The following EPSTI1 variants were observed in gnomAD, a reference collection of about 807,000 sequenced individuals.
EPSTI1 encodes the protein epithelial stromal interaction 1.
Under a neutral mutation model 49.9 loss-of-function variants are expected in EPSTI1, and 66 were observed. That is an observed-to-expected ratio of 1.32 (90% CI 1.08 to 1.62). The LOEUF is 1.62. EPSTI1 is among the 40% of genes most tolerant of loss of function. EPSTI1 has a pLI of 0.00. For missense variants in EPSTI1, 394 were observed against 365.5 expected (o/e 1.08, Z -0.64); for synonymous variants, 137 against 130.7 (o/e 1.05, Z -0.33).
chr13:42,955,293 T>C (rs1334084789), intron 5 of EPSTI1, among the ~76,000 whole-genome samples: 1 of 152,012 alleles, frequency 6.6e-6, no homozygotes, highest in Non-Finnish European at 1.5e-5. Flanking sequence ...TCGTGGTGGA[T>C]CTAAAAGGGT....
At chr13:42,925,231 C>T (rs1174204216) in intron 7 of EPSTI1, among the ~76,000 whole-genome samples, 1 of 152,148 alleles carries the variant, frequency 6.6e-6, no homozygotes, top group Non-Finnish European at 1.5e-5. Flanking sequence ...CTTTAGAGCC[C>T]TCCTTCACAA....
chr13:42,933,599 C>A (rs1029468358), intron 6 of EPSTI1, among the ~76,000 whole-genome samples: 1 of 152,184 alleles, frequency 6.6e-6, no homozygotes. Context: ...TCTGGTCAAC[C>A]ATCTCTCATT....
rs1408386655 is a variant in EPSTI1, at chr13:42,888,413, A to T, written c.*81T>A. ...AATTAAGGTAAAAACAGTGAGGCTG[A>T]ACAAAATCACATTAAGAAAAAGCAT... On this transcript the variant is annotated 3_prime_UTR_variant, in exon 11 of 11. Coordinates refer to ENST00000313624, the MANE Select transcript of EPSTI1 (RefSeq NM_033255.5). 1 of 1,614,174 alleles carries T rather than the reference A, an allele frequency of 6.2e-7. No individual in the cohort carries two copies. The highest frequency in any genetic ancestry group is 1.7e-5 in the Admixed American group (1 of 60,026).
chr13:42,986,260 C>T (rs572160053), intron 1 of EPSTI1, among the ~76,000 whole-genome samples: 1 of 152,336 alleles, frequency 6.6e-6, no homozygotes, highest in South Asian at 2.1e-4. Context: ...GCCATTTAAA[C>T]TCCTGTGACA....
At chr13:42,970,496 C>G in intron 2 of EPSTI1, 116 bp downstream of exon 2, 1 of 839,448 alleles carries the variant, frequency 1.2e-6, no homozygotes, top group Non-Finnish European at 1.8e-6. Context: ...AACAAAAAAC[C>G]TTGATGAGAT....
At chr13:42,924,484 G>A (rs544301720) in intron 7 of EPSTI1, among the ~76,000 whole-genome samples, 1 of 152,180 alleles carries the variant, frequency 6.6e-6, no homozygotes, top group African/African-American at 2.4e-5. Context: ...TCTGCCAGGT[G>A]TTCCACATTG....
intron 3 of EPSTI1, among the ~76,000 whole-genome samples, chr13:42,965,707 C>G (rs1457227214): frequency 3.0e-4 from 2 of 6,590 alleles, no homozygotes; most frequent in African/African-American, 3.7e-4. Flanking sequence ...CTCCCTCTCC[C>G]TCTCCCTCTC....
At chr13:42,926,523 T>G (rs963497409) in intron 6 of EPSTI1, 94 bp from the exon 7 acceptor site, 9 of 780,476 alleles carry the variant, frequency 1.2e-5, no homozygotes, top group Non-Finnish European at 2.1e-5. Flanking sequence ...CTTATTTGGG[T>G]GATGATTAAA....
intron 1 of EPSTI1, among the ~76,000 whole-genome samples, chr13:42,975,654 A>T (rs1566175687): frequency 6.6e-6 from 1 of 152,216 alleles, no homozygotes; most frequent in Non-Finnish European, 1.5e-5. Context: ...AGGTGGAGGT[A>T]ATCCCACACT....
intron 9 of EPSTI1, among the ~76,000 whole-genome samples, chr13:42,897,904 C>A (rs1040448664): frequency 6.6e-6 from 1 of 152,144 alleles, no homozygotes; most frequent in Non-Finnish European, 1.5e-5. Flanking sequence ...CAAAATTGTG[C>A]TCTGGGTTTT....
In EPSTI1 at chr13:42,895,003, A is replaced by T. The variant is rs754115146; in HGVS notation, c.915+6T>A. 3.1e-6 allele frequency: 5 copies of T among 1,600,386 alleles called. No homozygotes were observed. In the South Asian group the frequency reaches 4.6e-5, roughly 15 times the overall value. ...AAGATGATTTAAGAGAAAAGAAAAAACTCACCCAGCTGTTACCGCTATTCA... is the reference window on the plus strand; with the variant it reads ...AAGATGATTTAAGAGAAAAGAAAAATCTCACCCAGCTGTTACCGCTATTCA... On this transcript the variant is annotated splice_donor_region_variant and intron_variant, in intron 10 of 10. Transcript: ENST00000313624.
chr13:42,905,517 A>C (rs915291670), intron 8 of EPSTI1, among the ~76,000 whole-genome samples: 10 of 152,208 alleles, frequency 6.6e-5, no homozygotes, highest in Non-Finnish European at 4.4e-5. Context: ...AGAGAAGTTC[A>C]ATATCTAGAG....
intron 1 of EPSTI1, among the ~76,000 whole-genome samples, chr13:42,983,321 T>A (rs1449094921): frequency 6.6e-6 from 1 of 152,152 alleles, no homozygotes; most frequent in Non-Finnish European, 1.5e-5. Flanking sequence ...ATCTCAGCAC[T>A]TTGGGAGGCC....
In EPSTI1 at chr13:42,888,341, A is replaced by AGAAGCC. The variant is rs749354891; in HGVS notation, c.*147_*152dup. On this transcript the variant is annotated 3_prime_UTR_variant, in exon 11 of 11. Coordinates refer to ENST00000313624, the MANE Select transcript of EPSTI1 (RefSeq NM_033255.5). ...CAAACATGCATAAATGAGGACAAGG[A>AGAAGCC]GAAGCCAGTCACTCCTGACTGCACG... 7 of 1,614,196 alleles carry AGAAGCC rather than the reference A, an allele frequency of 4.3e-6. No individual in the cohort carries two copies. The East Asian group carries it at 1.6e-4, about 36-fold the overall frequency.
intron 6 of EPSTI1, among the ~76,000 whole-genome samples, chr13:42,952,955 A>G (rs949485965): frequency 1.3e-5 from 2 of 152,136 alleles, no homozygotes; most frequent in African/African-American, 4.8e-5. Context: ...AAATATGCTC[A>G]CCCCAACATC....
chr13:42,979,600 AAAG>A (rs767053391), intron 1 of EPSTI1, among the ~76,000 whole-genome samples: 34,156 of 138,140 alleles, frequency 0.25, 4,075 homozygotes, highest in South Asian at 0.41. Flanking sequence ...AAAAAAAAAA[AAAG>A]AAAAGAAAAG....
chr13:42,902,265 A>G (rs2037383284), intron 8 of EPSTI1, among the ~76,000 whole-genome samples: 1 of 151,476 alleles, frequency 6.6e-6, no homozygotes, highest in African/African-American at 2.4e-5. Context: ...GTGGTAGGAG[A>G]GGGATCTAGA....
chr13:42,918,814 T>C (rs534998013), intron 7 of EPSTI1, among the ~76,000 whole-genome samples: 67 of 152,298 alleles, frequency 4.4e-4, no homozygotes, highest in Middle Eastern at 3.4e-3. Flanking sequence ...TGCTAAGACA[T>C]AGAAGGGGAA....
chr13:42,903,188 A>G (rs527646083), intron 8 of EPSTI1, among the ~76,000 whole-genome samples: 3 of 150,170 alleles, frequency 2.0e-5, no homozygotes, highest in African/African-American at 7.3e-5. Flanking sequence ...ATACATACAT[A>G]TATATATATG....
Sources: gnomAD v4.1 joint callset for allele counts (sites outside exome capture counted in the v4.1 genomes callset) on GRCh38, gnomAD v4.1.1 for gene constraint, MANE v1.5 for transcripts, NCBI Gene and HGNC (gene_info 2026-07-23, HGNC 2026-07-21) for gene names.